ANKRD45: variants seen among roughly 807,000 people sequenced by gnomAD.
ANKRD45 encodes ankyrin repeat domain 45, also known as ankyrin repeat domain-containing protein 45.
A neutral mutation model predicts 28.1 loss-of-function variants in ANKRD45; 21 were observed. The ratio of observed to expected loss-of-function variants is 0.75; its 90% CI spans 0.53 to 1.08. The LOEUF is 1.08. Ranked by LOEUF, ANKRD45 falls within the 50% of genes least tolerant of loss-of-function variation. The pLI, the probability that ANKRD45 is intolerant of heterozygous loss-of-function variation, is 0.00. For synonymous variants in ANKRD45, 86 were observed against 103.9 expected, an observed-to-expected ratio of 0.83 and a Z score of 1.05; for missense variants, 261 against 308.7, an observed-to-expected ratio of 0.85 and a Z score of 1.16.
At chr1:173,617,999 C>T (rs576896919) in intron 5 of ANKRD45, among the ~76,000 whole-genome samples, 2 of 152,182 alleles carry the variant, frequency 1.3e-5, no homozygotes, top group Non-Finnish European at 2.9e-5. Flanking sequence ...GCCAAGGCAA[C>T]TTCCAGCTTT....
chr1:173,627,725 T>C (rs1457598428), intron 3 of ANKRD45, among the ~76,000 whole-genome samples: 2 of 151,954 alleles, frequency 1.3e-5, no homozygotes, highest in Non-Finnish European at 2.9e-5. Context: ...CCTGGGCAAG[T>C]CCTAGTGCTG....
chr1:173,713,863 T>C, the ANKRD45 span, among the ~76,000 whole-genome samples: 1 of 152,144 alleles, frequency 6.6e-6, no homozygotes, highest in African/African-American at 2.4e-5. Flanking sequence ...TATAACTGAT[T>C]TGAGTAATAA....
intron 1 of ANKRD45, among the ~76,000 whole-genome samples, chr1:173,666,171 G>C (rs1433371859): frequency 1.3e-5 from 2 of 152,144 alleles, no homozygotes; most frequent in South Asian, 4.1e-4. Context: ...TTCAAGCTGG[G>C]CATCTACCTT....
chr1:173,666,857 T>C (rs1027469632), intron 1 of ANKRD45, among the ~76,000 whole-genome samples: 1 of 152,106 alleles, frequency 6.6e-6, no homozygotes, highest in Non-Finnish European at 1.5e-5. Flanking sequence ...GCTCAAGCAA[T>C]CCTCCCAACT....
At chr1:173,610,859 AG>A (rs1282825412) in intron 5 of ANKRD45, among the ~76,000 whole-genome samples, 1 of 152,122 alleles carries the variant, frequency 6.6e-6, no homozygotes, top group Non-Finnish European at 1.5e-5. Flanking sequence ...AAAATAATTC[AG>A]GTCTTAATTA....
chr1:173,623,187 C>T (rs776752063), intron 5 of ANKRD45, among the ~76,000 whole-genome samples: 26 of 151,770 alleles, frequency 1.7e-4, no homozygotes, highest in Non-Finnish European at 3.2e-4. Context: ...TGGTGGCACA[C>T]ATGTAATCCC....
the ANKRD45 span, among the ~76,000 whole-genome samples, chr1:173,698,520 C>T: frequency 2.6e-5 from 4 of 152,162 alleles, no homozygotes; most frequent in Non-Finnish European, 5.9e-5. Context: ...AAGAGTCACT[C>T]AAAACCACAC....
At chr1:173,676,755 A>C in the ANKRD45 span, among the ~76,000 whole-genome samples, 4 of 150,764 alleles carry the variant, frequency 2.7e-5, no homozygotes, top group African/African-American at 9.8e-5. Context: ...AAAAATTATA[A>C]TTATTACTGA....
rs369021334 is a variant in ANKRD45, at chr1:173,634,036, G to A, written c.497-6877C>T. Among the ~76,000 whole-genome samples the A allele has an allele frequency of 2.8e-3, 432 of 151,984 alleles. 25 individuals carry two copies. The South Asian group carries it at 0.087, about 30-fold the overall frequency. ...CTGCACAGCAAAGGAAACAATCAAC[G>A]AAGTGAAGAGGCAACCCACAGAATG... On this transcript the variant is annotated intron_variant, in intron 3 of 5. Coordinates refer to ENST00000333279, the MANE Select transcript of ANKRD45 (RefSeq NM_198493.3).
At chr1:173,707,627 C>T in the ANKRD45 span, among the ~76,000 whole-genome samples, 6 of 152,158 alleles carry the variant, frequency 3.9e-5, no homozygotes, top group African/African-American at 1.2e-4. Context: ...GCCACCACGC[C>T]CAGGCTCTCC....
the ANKRD45 span, among the ~76,000 whole-genome samples, chr1:173,708,666 A>G: frequency 1.3e-5 from 2 of 152,238 alleles, no homozygotes; most frequent in Non-Finnish European, 2.9e-5. Context: ...AATTGAGTCA[A>G]CTTATCCAAT....
intron 3 of ANKRD45, among the ~76,000 whole-genome samples, chr1:173,628,492 A>G (rs1160478737): frequency 6.6e-6 from 1 of 152,114 alleles, no homozygotes; most frequent in Admixed American, 6.5e-5. Context: ...AGCAGTAGCC[A>G]GGTGGACTTG....
intron 5 of ANKRD45, among the ~76,000 whole-genome samples, chr1:173,619,894 A>G (rs1384022916): frequency 1.3e-5 from 2 of 152,146 alleles, no homozygotes; most frequent in Non-Finnish European, 2.9e-5. Context: ...CAATTCAACA[A>G]GAAGAGCTAA....
intron 3 of ANKRD45, 60 bp downstream of exon 3, chr1:173,646,786 C>T: frequency 6.5e-7 from 1 of 1,539,504 alleles, no homozygotes; most frequent in Non-Finnish European, 8.9e-7. Flanking sequence ...TATCCTGTAA[C>T]TCATAGGAGA....
chr1:173,703,253 G>C, the ANKRD45 span, among the ~76,000 whole-genome samples: 2 of 151,468 alleles, frequency 1.3e-5, no homozygotes, highest in Non-Finnish European at 2.9e-5. Context: ...GCCCAGGCTG[G>C]AGTGCAGTGA....
chr1:173,640,007 A>G (rs2102347622), intron 3 of ANKRD45, among the ~76,000 whole-genome samples: 1 of 152,316 alleles, frequency 6.6e-6, no homozygotes, highest in East Asian at 1.9e-4. Flanking sequence ...GAAAGGATGA[A>G]TCAGACTTTA....
At chr1:173,712,547 T>C in the ANKRD45 span, among the ~76,000 whole-genome samples, 1 of 152,246 alleles carries the variant, frequency 6.6e-6, no homozygotes, top group South Asian at 2.1e-4. Flanking sequence ...ATAATGACTT[T>C]AGAGAGCAAT....
intron 3 of ANKRD45, among the ~76,000 whole-genome samples, chr1:173,642,854 C>T (rs754855900): frequency 1.3e-5 from 2 of 152,184 alleles, no homozygotes; most frequent in East Asian, 3.8e-4. Flanking sequence ...CAATGGAAAC[C>T]GGACACAGCA....
chr1:173,630,556 A>C (rs529395225), intron 3 of ANKRD45, among the ~76,000 whole-genome samples: 11 of 152,210 alleles, frequency 7.2e-5, no homozygotes, highest in Admixed American at 5.9e-4. Context: ...AAATCAAAAA[A>C]CATACAACAA....
Sources: allele counts gnomAD v4.1 joint callset (sites outside exome capture counted in the v4.1 genomes callset), GRCh38; gene constraint gnomAD v4.1.1; transcripts MANE v1.5; gene names NCBI Gene and HGNC (gene_info 2026-07-23, HGNC 2026-07-21).